The following SEMA5A variants were observed in gnomAD, a reference collection of about 807,000 sequenced individuals.
SEMA5A encodes the protein semaphorin 5A.
A neutral mutation model predicts 135.5 loss-of-function variants in SEMA5A; 55 were observed. That is an observed-to-expected ratio of 0.41 (90% CI 0.33 to 0.51). The LOEUF is 0.51. Among genes scored for constraint, SEMA5A ranks in the 20% least tolerant of loss-of-function variants. The pLI is 0.37. For synonymous variants in SEMA5A, 580 were observed against 546.5 expected, an observed-to-expected ratio of 1.06 and a Z score of -0.85; for missense variants, 1,290 against 1,419.9, an observed-to-expected ratio of 0.91 and a Z score of 1.47.
intron 8 of SEMA5A, among the ~76,000 whole-genome samples, chr5:9,221,697 G>A (rs1747008527): frequency 6.6e-6 from 1 of 152,148 alleles, no homozygotes; most frequent in African/African-American, 2.4e-5. Flanking sequence ...CAGAAATATT[G>A]TCCAAAAAAC....
At chr5:9,132,539 G>C (rs185515548) in intron 13 of SEMA5A, among the ~76,000 whole-genome samples, 1 of 152,292 alleles carries the variant, frequency 6.6e-6, no homozygotes, top group Non-Finnish European at 1.5e-5. Flanking sequence ...CAGCCTTCAA[G>C]ACGATGTGAA....
At chr5:9,518,319 A>G (rs1736637973) in intron 1 of SEMA5A, among the ~76,000 whole-genome samples, 1 of 152,212 alleles carries the variant, frequency 6.6e-6, no homozygotes, top group African/African-American at 2.4e-5. Context: ...CTAATTCCTC[A>G]GGTAAAAGGC....
chr5:9,285,559 C>T (rs1025032017), intron 5 of SEMA5A, among the ~76,000 whole-genome samples: 1 of 152,220 alleles, frequency 6.6e-6, no homozygotes, highest in African/African-American at 2.4e-5. Context: ...AGTCAAAAGA[C>T]TCAGAACTAG....
chr5:9,284,925 A>G (rs1431678526), intron 5 of SEMA5A, among the ~76,000 whole-genome samples: 1 of 152,192 alleles, frequency 6.6e-6, no homozygotes, highest in African/African-American at 2.4e-5. Flanking sequence ...AAATGTGATG[A>G]TAACACAGGA....
intron 13 of SEMA5A, among the ~76,000 whole-genome samples, chr5:9,132,876 C>A (rs541599628): frequency 6.6e-6 from 1 of 152,296 alleles, no homozygotes; most frequent in Admixed American, 6.5e-5. Flanking sequence ...TCAAAAATCC[C>A]TCAGCTTATA....
chr5:9,478,060 G>A (rs1429983150), intron 1 of SEMA5A, among the ~76,000 whole-genome samples: 1 of 152,166 alleles, frequency 6.6e-6, no homozygotes, highest in Non-Finnish European at 1.5e-5. Flanking sequence ...ATGACTATAG[G>A]GGCCAAGGTA....
At chr5:9,184,894 A>G (rs1289929511) in intron 11 of SEMA5A, among the ~76,000 whole-genome samples, 7 of 152,148 alleles carry the variant, frequency 4.6e-5, no homozygotes, top group African/African-American at 1.7e-4. Context: ...AGCTCAGCCC[A>G]GGCTCCCTCT....
chr5:9,533,888 T>C (rs1333310855), intron 1 of SEMA5A, among the ~76,000 whole-genome samples: 1 of 152,166 alleles, frequency 6.6e-6, no homozygotes, highest in Non-Finnish European at 1.5e-5. Flanking sequence ...TTAAAACATC[T>C]GACATAAACT....
chr5:9,258,803 CTTTTTTTTTT>C (rs748703578), intron 5 of SEMA5A, among the ~76,000 whole-genome samples: 22 of 48,992 alleles, frequency 4.5e-4, no homozygotes, highest in Admixed American at 1.5e-3. Flanking sequence ...TTCTTTCTTT[CTTTTTTTTTT>C]TTTTTTTTTT....
At chr5:9,244,987 T>A (rs1748411341) in intron 5 of SEMA5A, among the ~76,000 whole-genome samples, 1 of 152,234 alleles carries the variant, frequency 6.6e-6, no homozygotes, top group Non-Finnish European at 1.5e-5. Context: ...AACGTTTTTT[T>A]AAGTAACATC....
intron 5 of SEMA5A, among the ~76,000 whole-genome samples, chr5:9,299,124 A>AG (rs1387869677): frequency 6.6e-6 from 1 of 152,060 alleles, no homozygotes; most frequent in East Asian, 1.9e-4. Flanking sequence ...GTTCAGAAGA[A>AG]GGGGGCATCT....
chr5:9,350,398 T>C (rs1437482261), intron 3 of SEMA5A, among the ~76,000 whole-genome samples: 1 of 152,198 alleles, frequency 6.6e-6, no homozygotes, highest in Non-Finnish European at 1.5e-5. Flanking sequence ...AGAGAGTGTC[T>C]GGTCTTTGAC....
chr5:9,197,760 GTGTGTGTGTGTGTGTGTGTGTGTGTTTT>G (rs1745488132), intron 9 of SEMA5A, among the ~76,000 whole-genome samples: 1 of 143,140 alleles, frequency 7.0e-6, no homozygotes, highest in Admixed American at 7.3e-5. Flanking sequence ...GTGTGTGTGT[GTGTGTGTGTGTGTGTGTGTGTGTGTTTT>G]AACCCAGATA....
In SEMA5A at chr5:9,154,550, C is replaced by G. The variant is rs747789049; in HGVS notation, c.1419G>C (p.Val473=). ...QILHSQSVLF[V]GLREHVVKIP... is the part of the protein sequence containing the mutation. ...TCTTGACCACGTGCTCCCGCAGGCC[C>G]ACGAACAGGACACTCTGGCTGTGCA... The change falls in exon 12 of 23, where the codon GTG becomes GTC. Residue 473 remains valine (V), a synonymous_variant. Transcript: ENST00000382496. 2.5e-6 allele frequency: 4 copies of G among 1,613,052 alleles called. No individual in the cohort carries two copies. Among genetic ancestry groups the G allele is most frequent in the East Asian group, 2.2e-5 (1 of 44,830 alleles).
At chr5:9,244,085 T>G (rs1748354913) in intron 5 of SEMA5A, among the ~76,000 whole-genome samples, 1 of 152,176 alleles carries the variant, frequency 6.6e-6, no homozygotes, top group Non-Finnish European at 1.5e-5. Flanking sequence ...ATTTGCCTAA[T>G]GAAACTCTAA....
chr5:9,039,703 CTG>C lies in SEMA5A; in HGVS notation c.*3192_*3193del, dbSNP rs1327656397. On this transcript the variant is annotated 3_prime_UTR_variant, in exon 23 of 23. Transcript: ENST00000382496. ...GGAGGGAACGCCATGAGTCTGGAGACTGTGGCTCTTCTGTGCGGTGGAGCCTG... is the reference window on the plus strand; with the variant it reads ...GGAGGGAACGCCATGAGTCTGGAGACTGGCTCTTCTGTGCGGTGGAGCCTG... The C allele has an allele frequency of 2.6e-5, 4 of 152,274 alleles. No individual in the cohort carries two copies. Among genetic ancestry groups the C allele is most frequent in the Non-Finnish European group, 5.9e-5 (4 of 68,110 alleles). The allele number at this position is 152,274 out of a possible 1,614,324, so 9.4% of individuals were successfully genotyped here. A position where few individuals can be genotyped will look rare whatever the true frequency, so the allele number is the denominator to read the frequency against.
At chr5:9,046,789 A>G (rs1736283363) in intron 21 of SEMA5A, among the ~76,000 whole-genome samples, 1 of 152,340 alleles carries the variant, frequency 6.6e-6, no homozygotes, top group Non-Finnish European at 1.5e-5. Context: ...CTTCGGGTGC[A>G]TGGACACTGT....
At chr5:9,227,067 T>C in intron 6 of SEMA5A, 100 bp from the exon 7 acceptor site, 1 of 489,970 alleles carries the variant, frequency 2.0e-6, no homozygotes, top group Non-Finnish European at 3.1e-6. Context: ...TGAGAAGGAA[T>C]ACATTTTATC....
chr5:9,348,745 G>A (rs1163402829), intron 3 of SEMA5A, among the ~76,000 whole-genome samples: 1 of 152,120 alleles, frequency 6.6e-6, no homozygotes, highest in Non-Finnish European at 1.5e-5. Flanking sequence ...TATTCCAGAA[G>A]TGGCCAAAGT....
Sources: allele counts gnomAD v4.1 joint callset (sites outside exome capture counted in the v4.1 genomes callset), GRCh38; gene constraint gnomAD v4.1.1; transcripts MANE v1.5; gene names NCBI Gene and HGNC (gene_info 2026-07-23, HGNC 2026-07-21).